Variants in CELF4 observed in about 807,000 individuals in gnomAD.
CELF4 encodes the protein CUGBP Elav-like family member 4.
In CELF4, 18 loss-of-function variants were observed where a neutral mutation model predicts 59.9. That is an observed-to-expected ratio of 0.30 (90% CI 0.21 to 0.45). The LOEUF is 0.45. Ranked by LOEUF, CELF4 falls within the 20% of genes least tolerant of loss-of-function variation. CELF4 has a pLI of 1.00. For missense variants in CELF4, 456 were observed against 689.0 expected (o/e 0.66, Z 3.79); for synonymous variants, 261 against 267.1 (o/e 0.98, Z 0.22).
In CELF4 at chr18:37,291,063, C is replaced by T. The variant is rs139714641; in HGVS notation, c.449-15820G>A. On this transcript the variant is annotated intron_variant, in intron 3 of 12. Coordinates refer to ENST00000420428, the MANE Select transcript of CELF4 (RefSeq NM_020180.4). ...TAGCTGGGATTACAGGCATGTGCCA[C>T]GATGCCTGGCTAATTTTGTATTTTT... Among the ~76,000 whole-genome samples, 417 of 152,296 alleles carry T rather than the reference C, an allele frequency of 2.7e-3. 1 individual carries two copies. Among genetic ancestry groups the T allele is most frequent in the African/African-American group, 9.4e-3 (392 of 41,558 alleles).
intron 2 of CELF4, 112 bp downstream of exon 2, chr18:37,485,413 G>A (rs1302067175): frequency 4.0e-5 from 9 of 225,180 alleles, no homozygotes; most frequent in Admixed American, 1.6e-3. Flanking sequence ...AGCTCAGGCG[G>A]GGCGGCGGGC....
chr18:37,412,466 G>T (rs1368391314), intron 2 of CELF4, among the ~76,000 whole-genome samples: 7 of 152,000 alleles, frequency 4.6e-5, no homozygotes, highest in Non-Finnish European at 1.0e-4. Flanking sequence ...GGGTGGATGG[G>T]TGAGCAGATG....
At chr18:37,306,707 C>T (rs1013485282) in intron 3 of CELF4, among the ~76,000 whole-genome samples, 7 of 152,096 alleles carry the variant, frequency 4.6e-5, no homozygotes, top group Admixed American at 3.9e-4. Flanking sequence ...GATGGCATGC[C>T]GTGGTGAGCG....
At chr18:37,460,606 C>T (rs548839716) in intron 2 of CELF4, among the ~76,000 whole-genome samples, 4 of 152,320 alleles carry the variant, frequency 2.6e-5, no homozygotes, top group African/African-American at 9.6e-5. Flanking sequence ...TTGGCTTTGT[C>T]CACAGGGCCC....
intron 5 of CELF4, 139 bp from the exon 6 acceptor site, chr18:37,274,593 GAGGTGTGAAC>G (rs1431020444): frequency 1.3e-6 from 2 of 1,567,026 alleles, no homozygotes; most frequent in Non-Finnish European, 1.7e-6. Flanking sequence ...CCAGGGGAAT[GAGGTGTGAAC>G]CCCACCGCGG....
In CELF4 at chr18:37,243,303, G is replaced by GC. The variant is rs1477454346; in HGVS notation, c.*1938dup. On this transcript the variant is annotated 3_prime_UTR_variant, in exon 13 of 13. Coordinates refer to ENST00000420428, the MANE Select transcript of CELF4 (RefSeq NM_020180.4). Reference sequence around the variant, plus strand: ...GACAGAAAGAAAGGAAAGGCAGGAGGCCCTAGAGGAACTGGAAATTTGTTC... The same window carrying GC: ...GACAGAAAGAAAGGAAAGGCAGGAGGCCCCTAGAGGAACTGGAAATTTGTTC... 1 of 151,404 alleles carries GC rather than the reference G, an allele frequency of 6.6e-6. No individual in the cohort carries two copies. Among genetic ancestry groups the GC allele is most frequent in the Non-Finnish European group, 1.5e-5 (1 of 67,956 alleles). 9.4% of individuals were successfully genotyped at this position (151,404 alleles called of 1,614,324 possible). A position where few individuals can be genotyped will look rare whatever the true frequency, so the allele number is the denominator to read the frequency against.
At chr18:37,257,536 T>C (rs1166027178) in intron 11 of CELF4, among the ~76,000 whole-genome samples, 1 of 152,128 alleles carries the variant, frequency 6.6e-6, no homozygotes, top group Admixed American at 6.5e-5. Flanking sequence ...GGGACAATGG[T>C]GCAAAGATCT....
chr18:37,400,439 C>T (rs1306359874), intron 2 of CELF4, among the ~76,000 whole-genome samples: 3 of 152,196 alleles, frequency 2.0e-5, no homozygotes, highest in African/African-American at 7.2e-5. Context: ...GACTGACACA[C>T]CTGGGCTCAA....
intron 2 of CELF4, among the ~76,000 whole-genome samples, chr18:37,395,292 C>T (rs1467235472): frequency 6.6e-6 from 1 of 152,118 alleles, no homozygotes; most frequent in Non-Finnish European, 1.5e-5. Flanking sequence ...CCACCATTTC[C>T]TCCTGCACTA....
chr18:37,533,576 T>C (rs1376920762), intron 1 of CELF4, among the ~76,000 whole-genome samples: 1 of 152,230 alleles, frequency 6.6e-6, no homozygotes, highest in African/African-American at 2.4e-5. Context: ...GGCAGAAGGA[T>C]TCTTTTATTT....
At chr18:37,316,573 C>A (rs142348141) in intron 3 of CELF4, among the ~76,000 whole-genome samples, 5 of 152,054 alleles carry the variant, frequency 3.3e-5, no homozygotes, top group African/African-American at 4.8e-5. Context: ...CAAGCCCAAC[C>A]CCTTGGCCTT....
intron 1 of CELF4, among the ~76,000 whole-genome samples, chr18:37,511,415 G>A (rs528356939): frequency 6.6e-4 from 100 of 152,242 alleles, no homozygotes; most frequent in Non-Finnish European, 1.1e-3. Flanking sequence ...CAAAGTCCTT[G>A]GCATTCCCCA....
chr18:37,548,607 G>T (rs1176990307), intron 1 of CELF4, among the ~76,000 whole-genome samples: 1 of 152,152 alleles, frequency 6.6e-6, no homozygotes, highest in African/African-American at 2.4e-5. Flanking sequence ...TGCTGATAGG[G>T]GTGCTGGCCC....
At chr18:37,543,097 C>A (rs1404414157) in intron 1 of CELF4, among the ~76,000 whole-genome samples, 1 of 152,186 alleles carries the variant, frequency 6.6e-6, no homozygotes, top group Non-Finnish European at 1.5e-5. Flanking sequence ...GCCTTCCCAT[C>A]CCCAGCCTCC....
In CELF4 at chr18:37,353,494, G is replaced by A. The variant is rs2098502470; in HGVS notation, c.370-31613C>T. Among the ~76,000 whole-genome samples the A allele has an allele frequency of 2.0e-5, 3 of 151,294 alleles. No homozygotes were observed. In the South Asian group the frequency reaches 6.3e-4, roughly 32 times the overall value. On this transcript the variant is annotated intron_variant, in intron 2 of 12. Transcript: ENST00000420428. ...GAACCAATTGGAACATCCTGCAAAG[G>A]GCTTGGAGGCAGCTGGCAGCAATAG...
intron 2 of CELF4, among the ~76,000 whole-genome samples, chr18:37,391,178 A>G (rs563664422): frequency 1.8e-4 from 28 of 152,250 alleles, no homozygotes; most frequent in African/African-American, 6.5e-4. Flanking sequence ...AGAAGCAGGC[A>G]GGGAGAGAAG....
intron 2 of CELF4, among the ~76,000 whole-genome samples, chr18:37,353,233 A>AAAAAAATAT (rs71168258): frequency 6.3e-4 from 67 of 106,970 alleles, no homozygotes; most frequent in African/African-American, 2.2e-3. Flanking sequence ...AAAAAAAAAA[A>AAAAAAATAT]ATATATATAT....
chr18:37,315,917 G>A (rs1020204865), intron 3 of CELF4, among the ~76,000 whole-genome samples: 1 of 152,190 alleles, frequency 6.6e-6, no homozygotes, highest in Non-Finnish European at 1.5e-5. Context: ...GGCCATGGTA[G>A]TCAGAGCCTC....
chr18:37,495,357 C>G (rs891270410), intron 1 of CELF4, among the ~76,000 whole-genome samples: 1 of 152,132 alleles, frequency 6.6e-6, no homozygotes, highest in African/African-American at 2.4e-5. Context: ...CACCTCCCTC[C>G]TCTCCAACAG....
Sources: allele counts gnomAD v4.1 joint callset (sites outside exome capture counted in the v4.1 genomes callset), GRCh38; gene constraint gnomAD v4.1.1; transcripts MANE v1.5; gene names NCBI Gene and HGNC (gene_info 2026-07-23, HGNC 2026-07-21).